BANK1: variants seen among roughly 807,000 people sequenced by gnomAD.
BANK1 encodes the protein B-cell scaffold protein with ankyrin repeats.
Under a neutral mutation model 94.5 loss-of-function variants are expected in BANK1, and 95 were observed. That is an observed-to-expected ratio of 1.00 (90% CI 0.85 to 1.19). The LOEUF (loss-of-function observed/expected upper bound fraction) is 1.19. Ranked by LOEUF, BANK1 falls within the 50% of genes most tolerant of loss-of-function variation. The pLI, the probability that BANK1 is intolerant of heterozygous loss-of-function variation, is 0.00. For synonymous variants in BANK1, 334 were observed against 308.4 expected (o/e 1.08, Z -0.87); for missense variants, 987 against 932.2 (o/e 1.06, Z -0.77).
At chr4:102,022,887 A>C (rs1335128082) in intron 8 of BANK1, among the ~76,000 whole-genome samples, 1 of 152,050 alleles carries the variant, frequency 6.6e-6, no homozygotes, top group Non-Finnish European at 1.5e-5. Flanking sequence ...GGGCATTTGC[A>C]CTTTCTATTC....
At chr4:101,875,053 A>T (rs781193038) in intron 5 of BANK1, among the ~76,000 whole-genome samples, 2 of 152,222 alleles carry the variant, frequency 1.3e-5, no homozygotes, top group African/African-American at 2.4e-5. Flanking sequence ...AACTGTCTAT[A>T]TAAGAAAACC....
intron 2 of BANK1, among the ~76,000 whole-genome samples, chr4:101,840,122 C>T (rs988075448): frequency 6.8e-6 from 1 of 147,882 alleles, no homozygotes; most frequent in Non-Finnish European, 1.5e-5. Context: ...GCGCCCGCCA[C>T]TACGCCCGGC....
Position 101,790,747 on chromosome 4 carries a change from T to A in BANK1, c.-134T>A. On this transcript the variant is annotated 5_prime_UTR_variant, in exon 1 of 17. Transcript: ENST00000322953. ...CGTTTCCTGAGACCTGGCCGCAGCC[T>A]CCGCGGGTGGCAAGCGGGCTGGGGA... 4.1e-6 allele frequency: 4 copies of A among 985,668 alleles called. No homozygotes were observed. The South Asian group carries it at 4.3e-5, about 11-fold the overall frequency. 61.1% of individuals were successfully genotyped at this position (985,668 alleles called of 1,614,324 possible).
chr4:101,791,075 C>T (rs1254499444), intron 1 of BANK1, 125 bp downstream of exon 1: 3 of 786,852 alleles, frequency 3.8e-6, no homozygotes, highest in South Asian at 3.8e-5. Context: ...TGAGACAGGG[C>T]TTCTCCTTTT....
intron 5 of BANK1, among the ~76,000 whole-genome samples, chr4:101,877,528 G>T (rs1728534781): frequency 6.6e-6 from 1 of 152,104 alleles, no homozygotes; most frequent in Non-Finnish European, 1.5e-5. Context: ...AAGTTTAAAA[G>T]CAGGGGATGA....
intron 7 of BANK1, among the ~76,000 whole-genome samples, chr4:101,999,865 C>T (rs1037982112): frequency 6.6e-6 from 1 of 151,984 alleles, no homozygotes; most frequent in Non-Finnish European, 1.5e-5. Context: ...TGTACAAAGA[C>T]CCAGAAGTGA....
chr4:102,067,551 G>GTATT (rs1560718715), intron 13 of BANK1, among the ~76,000 whole-genome samples: 1 of 151,918 alleles, frequency 6.6e-6, no homozygotes. Context: ...AAAATAGAGA[G>GTATT]TATTACAAAA....
At chr4:102,015,283 G>T (rs1443024792) in intron 7 of BANK1, among the ~76,000 whole-genome samples, 2 of 151,484 alleles carry the variant, frequency 1.3e-5, no homozygotes, top group Admixed American at 6.6e-5. Flanking sequence ...GTATCTTTTT[G>T]ACTTAATTTT....
intron 7 of BANK1, among the ~76,000 whole-genome samples, chr4:101,999,924 A>AG (rs1189716999): frequency 6.6e-6 from 1 of 152,212 alleles, no homozygotes; most frequent in Non-Finnish European, 1.5e-5. Flanking sequence ...TCTGAGACTT[A>AG]GACAAGTAGA....
At chr4:102,009,248 C>T (rs935096095) in intron 7 of BANK1, among the ~76,000 whole-genome samples, 2 of 152,218 alleles carry the variant, frequency 1.3e-5, no homozygotes, top group African/African-American at 4.8e-5. Context: ...GAGGAAAGAA[C>T]TATACAACTG....
Position 102,072,378 on chromosome 4 carries a change from A to G in BANK1, c.2276A>G (p.Tyr759Cys), listed in dbSNP as rs765047456. The change falls in exon 15 of 17, where the codon TAT becomes TGT. Residue 759 changes from tyrosine to cysteine, a missense_variant. Transcript: ENST00000322953. ...ACTGCCCACAATGAAAATAAGTTTT[A>G]TAATGTACACTTCAGCAATAAGGTA... ...KETAHNENKFYNVHFSNKLPA... is the reference protein window; with the variant it reads ...KETAHNENKFCNVHFSNKLPA... The G allele has an allele frequency of 6.3e-7, 1 of 1,597,108 alleles. No homozygotes were observed. Among genetic ancestry groups the G allele is most frequent in the East Asian group, 2.2e-5 (1 of 44,664 alleles).
chr4:101,874,557 C>T (rs569990392), intron 5 of BANK1, among the ~76,000 whole-genome samples: 1 of 152,300 alleles, frequency 6.6e-6, no homozygotes, highest in East Asian at 1.9e-4. Flanking sequence ...TACCATACAT[C>T]AGTGTTATCT....
chr4:101,995,567 G>A (rs577853805), intron 7 of BANK1, among the ~76,000 whole-genome samples: 103 of 152,230 alleles, frequency 6.8e-4, no homozygotes, highest in African/African-American at 2.4e-3. Context: ...CACCAACAGT[G>A]TAAAAGTGTT....
chr4:101,807,167 A>T (rs1725581409), intron 1 of BANK1, among the ~76,000 whole-genome samples: 1 of 152,220 alleles, frequency 6.6e-6, no homozygotes, highest in African/African-American at 2.4e-5. Flanking sequence ...AGTTATTCTC[A>T]TAAGACCTTC....
chr4:102,040,105 T>G (rs1448035958), intron 10 of BANK1, among the ~76,000 whole-genome samples: 1 of 152,096 alleles, frequency 6.6e-6, no homozygotes, highest in Non-Finnish European at 1.5e-5. Flanking sequence ...TTGCTTGAAA[T>G]AGACCACAAA....
At chr4:101,966,343 A>T (rs1050108676) in intron 7 of BANK1, among the ~76,000 whole-genome samples, 1 of 152,046 alleles carries the variant, frequency 6.6e-6, no homozygotes, top group Non-Finnish European at 1.5e-5. Context: ...TTTCAATGCC[A>T]GGGAGCAAGG....
intron 7 of BANK1, among the ~76,000 whole-genome samples, chr4:101,946,026 G>A (rs1316401395): frequency 6.6e-6 from 1 of 151,990 alleles, no homozygotes; most frequent in African/African-American, 2.4e-5. Context: ...TTACCTTGTA[G>A]AAAATTCATC....
chr4:101,862,422 A>G, intron 3 of BANK1, 104 bp from the exon 4 acceptor site: 1 of 833,232 alleles, frequency 1.2e-6, no homozygotes, highest in Non-Finnish European at 1.7e-6. Context: ...TAGAAGACTT[A>G]TTCAATAATA....
At chr4:101,983,537 C>T (rs987497066) in intron 7 of BANK1, among the ~76,000 whole-genome samples, 4 of 152,054 alleles carry the variant, frequency 2.6e-5, no homozygotes, top group African/African-American at 9.7e-5. Context: ...CAATGCCTGG[C>T]AGCCATTATA....
Sources: gnomAD v4.1 joint callset for allele counts (sites outside exome capture counted in the v4.1 genomes callset) on GRCh38, gnomAD v4.1.1 for gene constraint, MANE v1.5 for transcripts, NCBI Gene and HGNC (gene_info 2026-07-23, HGNC 2026-07-21) for gene names.